PRR16: variants seen among roughly 807,000 people sequenced by gnomAD.
PRR16 encodes the protein protein Largen.
In PRR16, 6 loss-of-function variants were observed where a neutral mutation model predicts 18.2. The observed-to-expected ratio is 0.33, with a 90% CI of 0.18 to 0.65. The LOEUF is 0.65. Ranked by LOEUF, PRR16 falls within the 30% of genes least tolerant of loss-of-function variation. The probability of loss-of-function intolerance (pLI) is 0.74; values close to 1 mark genes in which losing one functional copy is unlikely to be tolerated. For missense variants in PRR16, 412 were observed against 376.6 expected (o/e 1.09, Z -0.78); for synonymous variants, 151 against 147.8 (o/e 1.02, Z -0.16).
the PRR16 span, among the ~76,000 whole-genome samples, chr5:120,766,763 C>T: frequency 6.6e-6 from 1 of 151,810 alleles, no homozygotes; most frequent in Admixed American, 6.6e-5. Flanking sequence ...AATTAATGAC[C>T]TTTGGACATA....
the PRR16 span, among the ~76,000 whole-genome samples, chr5:120,751,346 C>A: frequency 6.6e-6 from 1 of 152,020 alleles, no homozygotes; most frequent in African/African-American, 2.4e-5. Flanking sequence ...TGAGACAGCT[C>A]CATACTGTTT....
chr5:120,790,399 T>A, the PRR16 span: 10 of 152,196 alleles, frequency 6.6e-5, no homozygotes, highest in Non-Finnish European at 1.5e-4. Context: ...TTGGGAAGTT[T>A]AAAGTACAGA....
the PRR16 span, among the ~76,000 whole-genome samples, chr5:120,789,214 T>C: frequency 2.0e-5 from 3 of 152,134 alleles, no homozygotes; most frequent in African/African-American, 7.2e-5. Flanking sequence ...GAACCTATTA[T>C]TGTGAGTGTA....
At chr5:120,722,940 C>T in the PRR16 span, among the ~76,000 whole-genome samples, 1 of 151,300 alleles carries the variant, frequency 6.6e-6, no homozygotes, top group East Asian at 1.9e-4. Flanking sequence ...CATCTATACT[C>T]TCCATATATT....
chr5:120,677,015 C>G (rs948987454), intron 1 of PRR16, among the ~76,000 whole-genome samples: 4 of 152,114 alleles, frequency 2.6e-5, no homozygotes, highest in Admixed American at 1.3e-4. Flanking sequence ...TTGTTTCTAG[C>G]ACAAGTAGAA....
the PRR16 span, among the ~76,000 whole-genome samples, chr5:120,712,400 G>C: frequency 2.0e-5 from 3 of 151,900 alleles, no homozygotes; most frequent in East Asian, 5.8e-4. Flanking sequence ...CTTTCCCACT[G>C]TTGTACTGTT....
the PRR16 span, among the ~76,000 whole-genome samples, chr5:120,774,615 G>T: frequency 3.0e-4 from 45 of 152,180 alleles, no homozygotes; most frequent in African/African-American, 1.1e-3. Context: ...CTGCTGAGTT[G>T]TAAAACCCTG....
intron 1 of PRR16, among the ~76,000 whole-genome samples, chr5:120,665,729 T>A (rs1238625498): frequency 6.6e-6 from 1 of 152,154 alleles, no homozygotes; most frequent in Non-Finnish European, 1.5e-5. Flanking sequence ...TTCCCCCATT[T>A]CCTGTTTTTG....
At chr5:120,582,479 A>ATT (rs546853917) in intron 1 of PRR16, among the ~76,000 whole-genome samples, 12 of 151,782 alleles carry the variant, frequency 7.9e-5, no homozygotes, top group East Asian at 1.9e-4. Context: ...ATATACTCTT[A>ATT]TTTTTTTTAA....
At chr5:120,793,235 A>G in the PRR16 span, among the ~76,000 whole-genome samples, 1 of 152,156 alleles carries the variant, frequency 6.6e-6, no homozygotes, top group Non-Finnish European at 1.5e-5. Context: ...TGTATAATAT[A>G]CGTAGTTCCT....
At chr5:120,757,927 A>G in the PRR16 span, among the ~76,000 whole-genome samples, 91,863 of 151,884 alleles carry the variant, frequency 0.6, 28,130 homozygotes, top group East Asian at 0.79. Context: ...GGAGTAAAAA[A>G]TTATCATTAA....
At chr5:120,727,845 G>T in the PRR16 span, among the ~76,000 whole-genome samples, 1 of 151,880 alleles carries the variant, frequency 6.6e-6, no homozygotes, top group Non-Finnish European at 1.5e-5. Context: ...CTTCCTATAA[G>T]TTCATTTTTT....
intron 1 of PRR16, among the ~76,000 whole-genome samples, chr5:120,649,515 T>A (rs1004270242): frequency 6.6e-6 from 1 of 152,102 alleles, no homozygotes; most frequent in African/African-American, 2.4e-5. Context: ...TTACTTCAAT[T>A]CAAAAAGAAA....
chr5:120,735,390 A>G, the PRR16 span, among the ~76,000 whole-genome samples: 1 of 152,150 alleles, frequency 6.6e-6, no homozygotes, highest in East Asian at 1.9e-4. Context: ...AAGTGGGGAT[A>G]TATATATATC....
intron 1 of PRR16, chr5:120,481,102 T>A: frequency 8.5e-7 from 1 of 1,182,638 alleles, no homozygotes; most frequent in Non-Finnish European, 1.1e-6. Flanking sequence ...ATTTGTGAAT[T>A]TTCAAATTAA....
chr5:120,518,110 C>T (rs1751056356), intron 1 of PRR16, among the ~76,000 whole-genome samples: 1 of 152,096 alleles, frequency 6.6e-6, no homozygotes, highest in South Asian at 2.1e-4. Flanking sequence ...GTGACTTACC[C>T]TCTTTTTACG....
chr5:120,595,159 C>G (rs1033468819), intron 1 of PRR16, among the ~76,000 whole-genome samples: 1 of 151,824 alleles, frequency 6.6e-6, no homozygotes, highest in South Asian at 2.1e-4. Flanking sequence ...AAAGAAAATA[C>G]CAATAGAGTA....
chr5:120,698,510 A>T, the PRR16 span, among the ~76,000 whole-genome samples: 1 of 131,088 alleles, frequency 7.6e-6, no homozygotes, highest in South Asian at 2.5e-4. Flanking sequence ...TTGGAGAAAC[A>T]GTGTAAACAA....
At chr5:120,486,556 A>C (rs1270019336) in intron 1 of PRR16, among the ~76,000 whole-genome samples, 21 of 152,298 alleles carry the variant, frequency 1.4e-4, no homozygotes, top group Non-Finnish European at 1.5e-5. Flanking sequence ...GCCCTTTGTC[A>C]GATGAGTAGA....
Sources: gnomAD v4.1 joint callset for allele counts (sites outside exome capture counted in the v4.1 genomes callset) on GRCh38, gnomAD v4.1.1 for gene constraint, MANE v1.5 for transcripts, NCBI Gene and HGNC (gene_info 2026-07-23, HGNC 2026-07-21) for gene names.